Variants in XPO7 observed in about 807,000 individuals in gnomAD.
XPO7 encodes exportin 7.
Under a neutral mutation model 144.3 loss-of-function variants are expected in XPO7, and 21 were observed. The ratio of observed to expected loss-of-function variants is 0.15; its 90% CI spans 0.10 to 0.21. The LOEUF (loss-of-function observed/expected upper bound fraction) is 0.21. Ranked by LOEUF, XPO7 falls within the 10% of genes least tolerant of loss-of-function variation. XPO7 has a pLI of 1.00. For synonymous variants in XPO7, 580 were observed against 499.6 expected (o/e 1.16, Z -2.15); for missense variants, 808 against 1,325.8 (o/e 0.61, Z 6.06).
chr8:21,927,802 C>T (rs1810509468), intron 1 of XPO7, among the ~76,000 whole-genome samples: 2 of 152,178 alleles, frequency 1.3e-5, no homozygotes, highest in African/African-American at 4.8e-5. Context: ...GTCTCGGCCT[C>T]CCAAAGTGCT....
rs1259862330 is a variant in XPO7 at position 22,003,328 on chromosome 8, C to T, written c.3042+11C>T. The T allele has an allele frequency of 6.3e-7, 1 of 1,599,554 alleles. No individual in the cohort carries two copies. The highest frequency in any genetic ancestry group is 1.7e-5 in the Admixed American group (1 of 57,766). ...TTGCTTAATGAAAAGGTGAGAGAGCCAGCTCCCTGGTGCCAACCCAGAAGC... is the reference window on the plus strand; with the variant it reads ...TTGCTTAATGAAAAGGTGAGAGAGCTAGCTCCCTGGTGCCAACCCAGAAGC... On this transcript the variant is annotated intron_variant, in intron 26 of 27. Coordinates refer to ENST00000252512, the MANE Select transcript of XPO7 (RefSeq NM_015024.5).
chr8:22,004,951 C>T, intron 27 of XPO7, 44 bp from the exon 28 acceptor site: 6 of 531,554 alleles, frequency 1.1e-5, no homozygotes, highest in Non-Finnish European at 1.4e-5. Flanking sequence ...AAATACCTTT[C>T]CCCCCCACTC....
At chr8:21,989,822 T>C (rs1199703866) in intron 16 of XPO7, among the ~76,000 whole-genome samples, 1 of 13,748 alleles carries the variant, frequency 7.3e-5, no homozygotes, top group Non-Finnish European at 1.3e-4. Flanking sequence ...AGGTGTTTCC[T>C]TTTTTTTTTT....
In XPO7 at chr8:21,999,154, G is replaced by C; in HGVS notation, c.2492G>C (p.Gly831Ala). The C allele has an allele frequency of 1.2e-6, 2 of 1,613,922 alleles. No homozygotes were observed. Among genetic ancestry groups the C allele is most frequent in the Non-Finnish European group, 1.7e-6 (2 of 1,179,882 alleles). The change falls in exon 23 of 28, where the codon GGC (glycine) becomes GCC (alanine). Residue 831 changes from glycine (G) to alanine (A), a missense_variant. Around this residue, in one of 5 missense-constraint regions of XPO7, gnomAD observed 416 missense variants for 612.5 expected, o/e 0.68. Transcript: ENST00000252512. ...KDQVYALKLKGISICFSMLKA... is the reference protein window; with the variant it reads ...KDQVYALKLKAISICFSMLKA... ...CAGGTCTATGCTCTGAAGCTCAAGG[G>C]CATCTCCATCTGCTTCTCCATGCTG...
chr8:21,998,894 T>A, intron 22 of XPO7, 57 bp downstream of exon 22: 1 of 1,582,016 alleles, frequency 6.3e-7, no homozygotes, highest in Admixed American at 1.7e-5. Flanking sequence ...GTCACCACAC[T>A]GTAAGCAGCA....
intron 13 of XPO7, among the ~76,000 whole-genome samples, chr8:21,986,689 A>T (rs763526009): frequency 2.0e-5 from 3 of 152,212 alleles, no homozygotes; most frequent in Admixed American, 1.3e-4. Flanking sequence ...AGTTCAAACA[A>T]TGTCTTGCAG....
At position 21,970,322 on chromosome 8, in the gene XPO7, A is replaced by T; in HGVS notation, c.426+12A>T. 5 of 1,609,842 alleles carry T rather than the reference A, an allele frequency of 3.1e-6. No homozygotes were observed. Among genetic ancestry groups the T allele is most frequent in the Non-Finnish European group, 4.2e-6 (5 of 1,178,256 alleles). Reference sequence around the variant, plus strand: ...CAAGGTTTTTACAGGTACAGTGTATATATTTGATGTAATGGGAATGGGAGA... The same window carrying T: ...CAAGGTTTTTACAGGTACAGTGTATTTATTTGATGTAATGGGAATGGGAGA... On this transcript the variant is annotated intron_variant, in intron 4 of 27. Coordinates refer to ENST00000252512, the MANE Select transcript of XPO7 (RefSeq NM_015024.5).
intron 20 of XPO7, 142 bp from the exon 21 acceptor site, chr8:21,995,350 A>G: frequency 1.5e-6 from 1 of 653,974 alleles, no homozygotes; most frequent in Non-Finnish European, 2.6e-6. Context: ...TCTGGTTAGA[A>G]AGACTCCAAG....
In XPO7 at chr8:21,987,245, A is replaced by G; in HGVS notation, c.1682A>G (p.Tyr561Cys). 5 of 1,614,030 alleles carry G rather than the reference A, an allele frequency of 3.1e-6. No homozygotes were observed. Among genetic ancestry groups the G allele is most frequent in the Non-Finnish European group, 4.2e-6 (5 of 1,179,892 alleles). Residue 561 changes from tyrosine (Y) to cysteine (C), a missense_variant, in exon 14 of 28, where the codon TAC becomes TGC. Around this residue, in one of 5 missense-constraint regions of XPO7, gnomAD observed 416 missense variants for 612.5 expected, o/e 0.68. Coordinates refer to ENST00000252512, the MANE Select transcript of XPO7 (RefSeq NM_015024.5). ...TTTTTTGAACAGTTTCGTAAGATCT[A>G]CATTGGGGACCAAGTGCAGAAATCC... is the stretch of plus-strand genomic sequence containing the variant. Reference protein sequence around the residue: ...LSFFEQFRKIYIGDQVQKSSK... With the variant: ...LSFFEQFRKICIGDQVQKSSK...
chr8:21,971,102 C>A (rs1172719912), intron 4 of XPO7, among the ~76,000 whole-genome samples: 3 of 152,176 alleles, frequency 2.0e-5, no homozygotes, highest in African/African-American at 4.8e-5. Context: ...CAAACACTTA[C>A]CATTGTTATA....
intron 7 of XPO7, among the ~76,000 whole-genome samples, 194 bp from the exon 8 acceptor site, chr8:21,977,576 C>T (rs991347843): frequency 2.0e-5 from 3 of 152,128 alleles, no homozygotes; most frequent in African/African-American, 7.2e-5. Flanking sequence ...CAGAGGGAGA[C>T]TCCGTCTCAA....
At chr8:21,987,652 C>G (rs1193480527) in intron 14 of XPO7, 132 bp from the exon 15 acceptor site, 3 of 999,148 alleles carry the variant, frequency 3.0e-6, no homozygotes, top group African/African-American at 1.6e-5. Flanking sequence ...TAGCTTATCC[C>G]TTCAGTAAAG....
chr8:21,928,015 A>G (rs1810518179), intron 1 of XPO7, among the ~76,000 whole-genome samples: 1 of 152,252 alleles, frequency 6.6e-6, no homozygotes, highest in East Asian at 1.9e-4. Context: ...GCATCCATTT[A>G]AAGTGTACAA....
At chr8:21,991,125 A>T (rs975543435) in intron 18 of XPO7, among the ~76,000 whole-genome samples, 1 of 152,208 alleles carries the variant, frequency 6.6e-6, no homozygotes, top group East Asian at 1.9e-4. Context: ...CTGCTCCTGA[A>T]GTTTTCATCT....
chr8:21,965,277 A>G (rs563480526), intron 1 of XPO7, among the ~76,000 whole-genome samples: 2 of 152,120 alleles, frequency 1.3e-5, no homozygotes, highest in African/African-American at 4.8e-5. Context: ...TCAATTCTCA[A>G]TAAGGTCTTG....
intron 21 of XPO7, among the ~76,000 whole-genome samples, chr8:21,998,090 T>TGCCAACTAATGGCTGAAG (rs1813011754): frequency 6.6e-6 from 1 of 152,222 alleles, no homozygotes; most frequent in South Asian, 2.1e-4. Flanking sequence ...TAAAGGTCCA[T>TGCCAACTAATGGCTGAAG]GCCAACTAAT....
intron 6 of XPO7, 31 bp from the exon 7 acceptor site, chr8:21,976,325 T>C (rs1291288479): frequency 5.0e-6 from 8 of 1,603,862 alleles, no homozygotes; most frequent in Non-Finnish European, 6.0e-6. Flanking sequence ...AGGAGTGATT[T>C]TGGGGACTCA....
chr8:21,932,292 C>T (rs1810678247), intron 1 of XPO7, among the ~76,000 whole-genome samples: 1 of 152,100 alleles, frequency 6.6e-6, no homozygotes. Context: ...TTTTACAAAA[C>T]TATTAAGGGA....
chr8:21,927,744 C>T (rs1006224465), intron 1 of XPO7, among the ~76,000 whole-genome samples: 5 of 152,010 alleles, frequency 3.3e-5, no homozygotes, highest in Non-Finnish European at 7.4e-5. Context: ...GGAGTTTCTC[C>T]ATGTTGGTCC....
Sources: allele counts gnomAD v4.1 joint callset (sites outside exome capture counted in the v4.1 genomes callset), GRCh38; gene constraint gnomAD v4.1.1; regional missense constraint gnomAD v4.1.1; transcripts MANE v1.5; gene names NCBI Gene and HGNC (gene_info 2026-07-23, HGNC 2026-07-21).